GINS1: variants seen among roughly 807,000 people sequenced by gnomAD.
The protein encoded by GINS1 is DNA replication complex GINS protein PSF1.
A neutral mutation model predicts 34.9 loss-of-function variants in GINS1; 26 were observed. The ratio of observed to expected loss-of-function variants is 0.74; its 90% CI spans 0.55 to 1.03. The LOEUF (loss-of-function observed/expected upper bound fraction) is 1.03. Ranked by LOEUF, GINS1 falls within the 50% of genes least tolerant of loss-of-function variation. GINS1 has a pLI of 0.00. For synonymous variants in GINS1, 97 were observed against 84.4 expected, an observed-to-expected ratio of 1.15 and a Z score of -0.82; for missense variants, 235 against 237.9, an observed-to-expected ratio of 0.99 and a Z score of 0.08.
At chr20:25,434,026 G>A (rs945141627) in intron 5 of GINS1, among the ~76,000 whole-genome samples, 14 of 151,970 alleles carry the variant, frequency 9.2e-5, no homozygotes, top group Admixed American at 6.6e-4. Context: ...TCTTATGCCT[G>A]TAATCCTAGC....
rs1254619216 is a variant in GINS1, at chr20:25,448,347, T to G, written c.*2356T>G. 6.6e-6 allele frequency: 1 copy of G among 152,226 alleles called. No homozygotes were observed. The highest frequency in any genetic ancestry group is 1.5e-5 in the Non-Finnish European group (1 of 68,048). The allele number at this position is 152,226 out of a possible 1,614,324, so 9.4% of individuals were successfully genotyped here. A position where few individuals can be genotyped will look rare whatever the true frequency, so the allele number is the denominator to read the frequency against. ...CTTAATAATCTTTTGTAGTTTTCAG[T>G]GTACAGGTCTACCATGTCAGCATTT... On this transcript the variant is annotated 3_prime_UTR_variant, in exon 7 of 7. Coordinates refer to ENST00000262460, the MANE Select transcript of GINS1 (RefSeq NM_021067.5).
chr20:25,407,989 T>G, intron 1 of GINS1, 94 bp downstream of exon 1: 1 of 884,426 alleles, frequency 1.1e-6, no homozygotes, highest in East Asian at 2.6e-5. Flanking sequence ...TTTCGCACCT[T>G]GTTCCCTCCG....
chr20:25,431,103 T>A (rs1036910458), intron 5 of GINS1, among the ~76,000 whole-genome samples: 4 of 152,226 alleles, frequency 2.6e-5, no homozygotes, highest in African/African-American at 9.6e-5. Context: ...TATAGGTCTA[T>A]TCCAATTTAC....
At chr20:25,441,390 T>C (rs1300385102) in intron 5 of GINS1, among the ~76,000 whole-genome samples, 2 of 152,182 alleles carry the variant, frequency 1.3e-5, no homozygotes, top group African/African-American at 4.8e-5. Flanking sequence ...ACATTCCTTG[T>C]GGATAGATAT....
At chr20:25,423,889 C>G (rs2090374991) in intron 4 of GINS1, among the ~76,000 whole-genome samples, 1 of 152,170 alleles carries the variant, frequency 6.6e-6, no homozygotes, top group African/African-American at 2.4e-5. Context: ...TCTGGGATTA[C>G]AGGCGTGAGC....
intron 4 of GINS1, chr20:25,420,781 C>CA (rs10540213): frequency 5.3e-3 from 3,275 of 617,786 alleles, no homozygotes; most frequent in East Asian, 6.5e-3. Context: ...GACCCTGTCT[C>CA]AAAAAAAAAA....
intron 4 of GINS1, among the ~76,000 whole-genome samples, chr20:25,420,371 A>C (rs1158146402): frequency 6.6e-6 from 1 of 151,826 alleles, no homozygotes; most frequent in Non-Finnish European, 1.5e-5. Flanking sequence ...TGACCTGATG[A>C]TCTGCCCACC....
Position 25,425,191 on chromosome 20 carries a change from G to A in GINS1, c.331-20G>A. On this transcript the variant is annotated intron_variant, in intron 4 of 6. Coordinates refer to ENST00000262460, the MANE Select transcript of GINS1 (RefSeq NM_021067.5). Reference sequence around the variant, plus strand: ...AAGTTTTCTTAGAATTTTGTCAAATGATCATCTCTATGTTTGCAGATGGAG... The same window carrying A: ...AAGTTTTCTTAGAATTTTGTCAAATAATCATCTCTATGTTTGCAGATGGAG... The A allele has an allele frequency of 9.7e-7, 1 of 1,032,918 alleles. No individual in the cohort carries two copies. The highest frequency in any genetic ancestry group is 1.3e-5 in the South Asian group (1 of 76,326). 64.0% of individuals were successfully genotyped at this position (1,032,918 alleles called of 1,614,324 possible).
At chr20:25,412,166 C>G (rs879380409) in intron 1 of GINS1, among the ~76,000 whole-genome samples, 1 of 152,100 alleles carries the variant, frequency 6.6e-6, no homozygotes, top group Non-Finnish European at 1.5e-5. Context: ...AAAATTTGCC[C>G]GAAACTGGAT....
chr20:25,442,338 ATCTGTCTGTCTGTCTG>A (rs56170743), intron 6 of GINS1, among the ~76,000 whole-genome samples: 1 of 149,308 alleles, frequency 6.7e-6, no homozygotes, highest in African/African-American at 2.5e-5. Context: ...CTATCTATCT[ATCTGTCTGTCTGTCTG>A]TCTGTCTGTC....
At chr20:25,428,359 T>C (rs1460308510) in intron 5 of GINS1, among the ~76,000 whole-genome samples, 1 of 151,862 alleles carries the variant, frequency 6.6e-6, no homozygotes, top group Non-Finnish European at 1.5e-5. Flanking sequence ...CAACTTTATT[T>C]TTTTGCATGT....
intron 5 of GINS1, among the ~76,000 whole-genome samples, chr20:25,435,512 C>T (rs1201724685): frequency 6.6e-6 from 1 of 152,002 alleles, no homozygotes; most frequent in East Asian, 1.9e-4. Context: ...GTAATCCCAG[C>T]ACTTTTGGAG....
At chr20:25,428,276 A>G (rs565944390) in intron 5 of GINS1, among the ~76,000 whole-genome samples, 1 of 149,540 alleles carries the variant, frequency 6.7e-6, no homozygotes, top group African/African-American at 2.5e-5. Context: ...TCTAAGTATT[A>G]TGTTGTTTTA....
chr20:25,440,056 C>T (rs531781272), intron 5 of GINS1, among the ~76,000 whole-genome samples: 4 of 151,912 alleles, frequency 2.6e-5, no homozygotes, highest in South Asian at 2.1e-4. Context: ...TTATTTGAGA[C>T]GGAGTCTCAT....
intron 1 of GINS1, among the ~76,000 whole-genome samples, chr20:25,410,918 A>G (rs551049664): frequency 1.3e-5 from 2 of 152,126 alleles, no homozygotes; most frequent in Non-Finnish European, 2.9e-5. Context: ...TGTTCAGCAA[A>G]CAGAAAAGTG....
intron 4 of GINS1, 122 bp from the exon 5 acceptor site, chr20:25,425,089 T>A: frequency 1.7e-6 from 1 of 572,030 alleles, no homozygotes; most frequent in Non-Finnish European, 3.2e-6. Flanking sequence ...TATTTTAGCA[T>A]TAATGAATGA....
At chr20:25,418,416 A>G (rs915080601) in intron 4 of GINS1, among the ~76,000 whole-genome samples, 1 of 152,214 alleles carries the variant, frequency 6.6e-6, no homozygotes, top group African/African-American at 2.4e-5. Flanking sequence ...ATAGAGTCCC[A>G]TGATGTTACT....
intron 6 of GINS1, among the ~76,000 whole-genome samples, chr20:25,442,604 ATTATTATT>A (rs2090488363): frequency 8.7e-6 from 1 of 115,202 alleles, no homozygotes. Flanking sequence ...TACTATTATT[ATTATTATT>A]TTTTTTTTTT....
At chr20:25,430,113 A>G (rs544583387) in intron 5 of GINS1, among the ~76,000 whole-genome samples, 131 of 152,350 alleles carry the variant, frequency 8.6e-4, no homozygotes, top group South Asian at 3.3e-3. Flanking sequence ...GGGTTTTACC[A>G]TAGAGGCCAG....
Sources: allele counts gnomAD v4.1 joint callset (sites outside exome capture counted in the v4.1 genomes callset), GRCh38; gene constraint gnomAD v4.1.1; transcripts MANE v1.5; gene names NCBI Gene and HGNC (gene_info 2026-07-23, HGNC 2026-07-21).